Variants in KIRREL1 observed in about 807,000 individuals in gnomAD.
KIRREL1 encodes kin of IRRE-like protein 1.
KIRREL1 carries 25 observed loss-of-function variants against 83.3 expected under a neutral mutation model. That is an observed-to-expected ratio of 0.30 (90% CI 0.22 to 0.42). KIRREL1 has a LOEUF of 0.42. Among genes scored for constraint, KIRREL1 ranks in the 10% least tolerant of loss-of-function variants. The pLI, the probability that KIRREL1 is intolerant of heterozygous loss-of-function variation, is 1.00. For synonymous variants in KIRREL1, 388 were observed against 410.4 expected (o/e 0.95, Z 0.66); for missense variants, 812 against 1,032.3 (o/e 0.79, Z 2.92).
At chr1:158,019,169 A>G (rs770987038) in intron 1 of KIRREL1, among the ~76,000 whole-genome samples, 3 of 152,174 alleles carry the variant, frequency 2.0e-5, no homozygotes, top group Non-Finnish European at 4.4e-5. Context: ...AAGTCAGTGC[A>G]TTGTCATGAT....
intron 11 of KIRREL1, among the ~76,000 whole-genome samples, chr1:158,092,681 G>A (rs1662239138): frequency 1.3e-5 from 2 of 152,118 alleles, no homozygotes; most frequent in Admixed American, 6.5e-5. Context: ...TGCCAGCAAG[G>A]GGGTTGGGGG....
chr1:158,037,855 C>G (rs1038417073), intron 1 of KIRREL1, among the ~76,000 whole-genome samples: 2 of 152,208 alleles, frequency 1.3e-5, no homozygotes, highest in African/African-American at 4.8e-5. Context: ...CCTTTCCTCC[C>G]CAGATTCCTT....
intron 1 of KIRREL1, among the ~76,000 whole-genome samples, chr1:158,001,351 CTCTT>C (rs1195793568): frequency 6.6e-6 from 1 of 152,212 alleles, no homozygotes; most frequent in Non-Finnish European, 1.5e-5. Context: ...CCTCAGTTCT[CTCTT>C]TCACCAAATC....
intron 1 of KIRREL1, among the ~76,000 whole-genome samples, chr1:158,057,046 C>G (rs941992012): frequency 6.6e-6 from 1 of 152,162 alleles, no homozygotes; most frequent in Admixed American, 6.5e-5. Flanking sequence ...TTCCTTCCTT[C>G]GTTCATTCAT....
At chr1:158,071,147 C>T (rs1486996328) in intron 1 of KIRREL1, among the ~76,000 whole-genome samples, 1 of 152,134 alleles carries the variant, frequency 6.6e-6, no homozygotes, top group Non-Finnish European at 1.5e-5. Flanking sequence ...TCACTGGCTC[C>T]TCCTGGCACT....
At chr1:158,068,283 G>A (rs1189765170) in intron 1 of KIRREL1, among the ~76,000 whole-genome samples, 1 of 152,168 alleles carries the variant, frequency 6.6e-6, no homozygotes, top group Non-Finnish European at 1.5e-5. Flanking sequence ...CTCTTCGTCT[G>A]ATGTCCATAT....
intron 1 of KIRREL1, among the ~76,000 whole-genome samples, chr1:158,041,587 G>T (rs1660629199): frequency 6.6e-6 from 1 of 152,178 alleles, no homozygotes; most frequent in Non-Finnish European, 1.5e-5. Context: ...CCTGCCCTCT[G>T]AGCCTCACTT....
intron 1 of KIRREL1, among the ~76,000 whole-genome samples, chr1:158,004,866 C>T (rs1211028897): frequency 1.3e-5 from 2 of 152,166 alleles, no homozygotes; most frequent in Admixed American, 6.5e-5. Flanking sequence ...ATCACTTGAA[C>T]CCAGGAGGCG....
chr1:158,016,565 A>C (rs1659831816), intron 1 of KIRREL1, among the ~76,000 whole-genome samples: 1 of 152,098 alleles, frequency 6.6e-6, no homozygotes, highest in Non-Finnish European at 1.5e-5. Context: ...GGGATGCATC[A>C]TGGTGATAAT....
chr1:158,029,979 CATT>C (rs1200839352), intron 1 of KIRREL1, among the ~76,000 whole-genome samples: 1 of 152,234 alleles, frequency 6.6e-6, no homozygotes, highest in Admixed American at 6.5e-5. Flanking sequence ...TCTCTCCCAT[CATT>C]ATCTTCTAGC....
At chr1:158,011,477 C>T (rs1571533980) in intron 1 of KIRREL1, among the ~76,000 whole-genome samples, 2 of 152,154 alleles carry the variant, frequency 1.3e-5, no homozygotes, top group East Asian at 3.9e-4. Context: ...GCGGCTGGTG[C>T]CTCCTCTGTG....
chr1:158,097,032 A>G lies in KIRREL1; in HGVS notation c.*1912A>G, dbSNP rs1247552984. Reference sequence around the variant, plus strand: ...TAATACCCAGGAAGCAAGTAGCTCTAATTTTAACTTCACAGGAAGTCTGTG... The same window carrying G: ...TAATACCCAGGAAGCAAGTAGCTCTGATTTTAACTTCACAGGAAGTCTGTG... On this transcript the variant is annotated 3_prime_UTR_variant, in exon 15 of 15. Transcript: ENST00000359209. 1 of 456,930 alleles carries G rather than the reference A, an allele frequency of 2.2e-6. No homozygotes were observed. Among genetic ancestry groups the G allele is most frequent in the Non-Finnish European group, 4.4e-6 (1 of 227,022 alleles). The allele number at this position is 456,930 out of a possible 1,614,324, so 28.3% of individuals were successfully genotyped here.
chr1:158,063,435 C>T (rs1661269104), intron 1 of KIRREL1, among the ~76,000 whole-genome samples: 1 of 152,244 alleles, frequency 6.6e-6, no homozygotes, highest in African/African-American at 2.4e-5. Flanking sequence ...GTTCCCACAT[C>T]ATTGCCCCCC....
At chr1:158,077,211 G>A (rs966175825) in intron 2 of KIRREL1, among the ~76,000 whole-genome samples, 3 of 152,208 alleles carry the variant, frequency 2.0e-5, no homozygotes, top group African/African-American at 4.8e-5. Flanking sequence ...AGTACAGGTA[G>A]AGGAAATTCG....
At chr1:158,065,956 T>TTC in intron 1 of KIRREL1, among the ~76,000 whole-genome samples, 1 of 152,188 alleles carries the variant, frequency 6.6e-6, no homozygotes, top group Non-Finnish European at 1.5e-5. Flanking sequence ...TGATTCTCAC[T>TTC]TCTCATTTTT....
chr1:158,038,243 T>C (rs1570938058), intron 1 of KIRREL1, among the ~76,000 whole-genome samples: 1 of 152,218 alleles, frequency 6.6e-6, no homozygotes, highest in Non-Finnish European at 1.5e-5. Flanking sequence ...CAAATGTTTA[T>C]TGAGTCTTCC....
intron 1 of KIRREL1, among the ~76,000 whole-genome samples, chr1:158,023,307 G>A (rs912647): frequency 0.94 from 143,262 of 152,262 alleles, 67,602 homozygotes; most frequent in East Asian, 1. Flanking sequence ...AGTTTTAGAC[G>A]GTCAATAGTA....
Position 158,087,865 on chromosome 1 carries a change from G to A in KIRREL1, c.767+5G>A. The A allele has an allele frequency of 1.2e-6, 2 of 1,613,170 alleles. No individual in the cohort carries two copies. Among genetic ancestry groups the A allele is most frequent in the Admixed American group, 3.3e-5 (2 of 60,016 alleles). The stretch of plus-strand genomic sequence containing the variant: ...CCCCGAGATCTTGGGCTACAGGTGA[G>A]GGGGTCAGAGGCTGGGAGCGCTCTG... On this transcript the variant is annotated splice_donor_5th_base_variant and intron_variant, in intron 6 of 14. Transcript: ENST00000359209.
chr1:158,086,585 T>C lies in KIRREL1; in HGVS notation c.511-11T>C. ...AGCTTAACCATATCTCCCACCCTTG[T>C]CATGTTCCAGGAATTGCTGAAGGAT... On this transcript the variant is annotated splice_polypyrimidine_tract_variant and intron_variant, in intron 4 of 14. Transcript: ENST00000359209. 6.4e-7 allele frequency: 1 copy of C among 1,551,626 alleles called. No individual in the cohort carries two copies.
Sources: allele counts gnomAD v4.1 joint callset (sites outside exome capture counted in the v4.1 genomes callset), GRCh38; gene constraint gnomAD v4.1.1; transcripts MANE v1.5; gene names NCBI Gene and HGNC (gene_info 2026-07-23, HGNC 2026-07-21).